TSC2: variants seen among roughly 807,000 people sequenced by gnomAD.
TSC2 encodes TSC complex subunit 2, also known as tuberin.
TSC2 carries 29 observed loss-of-function variants against 202.2 expected under a neutral mutation model. The ratio of observed to expected loss-of-function variants is 0.14; its 90% CI spans 0.11 to 0.20. TSC2 has a LOEUF of 0.20. Among genes scored for constraint, TSC2 ranks in the 10% least tolerant of loss-of-function variants. The probability of loss-of-function intolerance (pLI) is 1.00; values close to 1 mark genes in which losing one functional copy is unlikely to be tolerated. For missense variants in TSC2, 2,429 were observed against 2,420.0 expected, an observed-to-expected ratio of 1.00 and a Z score of -0.08; for synonymous variants, 1,349 against 1,044.0, an observed-to-expected ratio of 1.29 and a Z score of -5.63.
rs1326523389 is a variant in TSC2 at position 2,055,024 on chromosome 16, AGC to A, written c.482-377_482-376del. 1.9e-5 allele frequency: 7 copies of A among 366,406 alleles called. No individual in the cohort carries two copies. The Admixed American group carries it at 2.8e-4, about 15-fold the overall frequency. The allele number at this position is 366,406 out of a possible 1,614,324, so 22.7% of individuals were successfully genotyped here. On this transcript the variant is annotated intron_variant, in intron 5 of 41. Coordinates refer to ENST00000219476, the MANE Select transcript of TSC2 (RefSeq NM_000548.5). The stretch of plus-strand genomic sequence containing the variant: ...TCCTGTCTGAGGTGACGTGGCCGGC[AGC>A]CAAGTGTGCACACGTCTCCTCCGAG...
At chr16:2,062,887 G>T (rs531115622) in intron 13 of TSC2, 85 bp from the exon 14 acceptor site, 5 of 1,463,422 alleles carry the variant, frequency 3.4e-6, no homozygotes, top group South Asian at 1.2e-5. Context: ...ACCCAGAGTC[G>T]GGCTGGCCTG....
intron 11 of TSC2, chr16:2,061,289 T>A: frequency 3.5e-6 from 1 of 284,356 alleles, no homozygotes; most frequent in East Asian, 9.0e-5. Context: ...GCTGTGCCTT[T>A]TCCTGGAGCC....
chr16:2,061,214 C>T (rs948187019), intron 11 of TSC2: 19 of 325,468 alleles, frequency 5.8e-5, no homozygotes, highest in East Asian at 2.3e-4. Context: ...GAGGACTCCA[C>T]GGCCACACGG....
At position 2,086,202 on chromosome 16, in the gene TSC2, G is replaced by A. The variant is rs45517360; in HGVS notation, c.4672G>A (p.Glu1558Lys). 4 of 1,612,464 alleles carry A rather than the reference G, an allele frequency of 2.5e-6. No individual in the cohort carries two copies. The highest frequency in any genetic ancestry group is 3.4e-6 in the Non-Finnish European group (4 of 1,179,836). Reference protein sequence around the residue: ...LYVGEGQSNSELAILSNEHGS... With the variant: ...LYVGEGQSNSKLAILSNEHGS... Reference sequence around the variant, plus strand: ...TCCCCTCTCCCCACAGAGCAACAGCGAGCTCGCCATCCTGTCCAATGAGCA... The same window carrying A: ...TCCCCTCTCCCCACAGAGCAACAGCAAGCTCGCCATCCTGTCCAATGAGCA... Residue 1558 changes from glutamate (E) to lysine (K), a missense_variant, in exon 37 of 42, where the codon GAG becomes AAG. Transcript: ENST00000219476.
chr16:2,049,477 G>C (rs1052961805), intron 2 of TSC2, among the ~76,000 whole-genome samples: 4 of 152,124 alleles, frequency 2.6e-5, no homozygotes, highest in Non-Finnish European at 5.9e-5. Context: ...TTTTGCACTT[G>C]TAAAGTTTTC....
intron 1 of TSC2, 94 bp downstream of exon 1, chr16:2,048,159 C>T (rs1377290558): frequency 1.3e-6 from 2 of 1,536,610 alleles, no homozygotes; most frequent in Admixed American, 2.0e-5. Flanking sequence ...GGGCCCTCAC[C>T]CGCGCCCACT....
chr16:2,088,724 C>A lies in TSC2; in HGVS notation c.*114C>A. The A allele has an allele frequency of 7.3e-7, 1 of 1,369,684 alleles. No individual in the cohort carries two copies. The highest frequency in any genetic ancestry group is 9.9e-7 in the Non-Finnish European group (1 of 1,009,556). 84.8% of individuals were successfully genotyped at this position (1,369,684 alleles called of 1,614,324 possible). A position where few individuals can be genotyped will look rare whatever the true frequency, so the allele number is the denominator to read the frequency against. On this transcript the variant is annotated 3_prime_UTR_variant, in exon 42 of 42. Coordinates refer to ENST00000219476, the MANE Select transcript of TSC2 (RefSeq NM_000548.5). ...AGGCACAGATTGCAGTCAGACAGCT[C>A]TTTTATTGACTTTGTCTGCTTGGTG...
chr16:2,088,736 TTGTC>T lies in TSC2; in HGVS notation c.*129_*132del, dbSNP rs960266423. Reference sequence around the variant, plus strand: ...CAGTCAGACAGCTCTTTTATTGACTTTGTCTGCTTGGTGCGGGGGTTGGGGGGGT... The same window carrying T: ...CAGTCAGACAGCTCTTTTATTGACTTTGCTTGGTGCGGGGGTTGGGGGGGT... On this transcript the variant is annotated 3_prime_UTR_variant, in exon 42 of 42. Transcript: ENST00000219476. 6.0e-6 allele frequency: 8 copies of T among 1,335,008 alleles called. No individual in the cohort carries two copies. The highest frequency in any genetic ancestry group is 5.0e-5 in the East Asian group (2 of 39,648). The allele number at this position is 1,335,008 out of a possible 1,614,324, so 82.7% of individuals were successfully genotyped here.
intron 15 of TSC2, 197 bp downstream of exon 15, chr16:2,064,624 CCTGGA>C (rs2087068261): frequency 1.2e-6 from 1 of 811,184 alleles, no homozygotes; most frequent in East Asian, 2.7e-5. Flanking sequence ...GACTGAAAGT[CCTGGA>C]CATGGGTGTC....
intron 1 of TSC2, 84 bp from the exon 2 acceptor site, chr16:2,048,503 G>T: frequency 6.4e-7 from 1 of 1,552,954 alleles, no homozygotes; most frequent in East Asian, 2.3e-5. Flanking sequence ...CAGAGACCCA[G>T]GGTCCTGACG....
chr16:2,078,793 CCT>C, intron 26 of TSC2: 1 of 582,982 alleles, frequency 1.7e-6, no homozygotes, highest in South Asian at 2.0e-5. Flanking sequence ...CGGTCTCTAG[CCT>C]CCTGAGTCTG....
At chr16:2,083,586 C>T (rs768045013) in intron 32 of TSC2, 109 bp from the exon 33 acceptor site, 16 of 1,528,908 alleles carry the variant, frequency 1.0e-5, no homozygotes, top group South Asian at 6.0e-5. Context: ...TGGGGAGGCT[C>T]GCAGGGCTGC....
At chr16:2,064,454 G>A in intron 15 of TSC2, 27 bp downstream of exon 15, 6 of 1,612,100 alleles carry the variant, frequency 3.7e-6, no homozygotes, top group Non-Finnish European at 5.1e-6. Flanking sequence ...CCGGGGCCGG[G>A]TGCTAGCGTG....
Position 2,088,503 on chromosome 16 carries a change from C to G in TSC2, c.5317C>G (p.His1773Asp). Residue 1773 changes from histidine (H) to aspartate (D), a missense_variant, in exon 42 of 42, where the codon CAT becomes GAT. By Grantham distance (81) the His-to-Asp change is moderately conservative. Coordinates refer to ENST00000219476, the MANE Select transcript of TSC2 (RefSeq NM_000548.5). The stretch of plus-strand genomic sequence containing the variant: ...CCTACCTCTGGTGCACCCTCCGTCC[C>G]ATAGCAAAGCCCCTGCACAGACTCC... The part of the protein sequence containing the change: ...PSLPLVHPPS[H>D]SKAPAQTPAE... 6.2e-7 allele frequency: 1 copy of G among 1,612,898 alleles called. No homozygotes were observed. The highest frequency in any genetic ancestry group is 1.3e-5 in the African/African-American group (1 of 75,050).
At chr16:2,055,376 G>A (rs765439112) in intron 5 of TSC2, 26 bp from the exon 6 acceptor site, 9 of 1,597,476 alleles carry the variant, frequency 5.6e-6, no homozygotes, top group Middle Eastern at 3.5e-4. Context: ...CGGCGTCCTC[G>A]CAAACTGCCG....
At chr16:2,063,138 A>T in intron 14 of TSC2, 85 bp downstream of exon 14, 1 of 1,490,322 alleles carries the variant, frequency 6.7e-7, no homozygotes, top group Non-Finnish European at 9.1e-7. Flanking sequence ...GCTCCCGCAG[A>T]GCCGGGCTCT....
rs1567399451 is a variant in TSC2, at chr16:2,054,347, T to C, written c.388T>C (p.Tyr130His). The C allele has an allele frequency of 6.2e-7, 1 of 1,614,230 alleles. No homozygotes were observed. Among genetic ancestry groups the C allele is most frequent in the Non-Finnish European group, 8.5e-7 (1 of 1,180,042 alleles). The change falls in exon 5 of 42, where the codon TAC becomes CAC. Residue 130 changes from tyrosine (Y) to histidine (H), a missense_variant. Physicochemically the swap from Tyr to His is moderately conservative, Grantham distance 83 (BLOSUM62 2). Transcript: ENST00000219476. ...CCTCTTCTTTAAGGTCATCAAGGAT[T>C]ACCCTTCCAACGAAGACCTTCACGA... ...RALFFKVIKD[Y>H]PSNEDLHERL...
At chr16:2,051,217 G>T (rs2085075692) in intron 3 of TSC2, among the ~76,000 whole-genome samples, 1 of 151,956 alleles carries the variant, frequency 6.6e-6, no homozygotes, top group Admixed American at 6.5e-5. Flanking sequence ...CTACTTGGGA[G>T]GCTGAGGCAG....
In TSC2 at chr16:2,079,366, A is replaced by T. The variant is rs1223282413; in HGVS notation, c.3222A>T (p.Gly1074=). Reference sequence around the variant, plus strand: ...TTGTCACTGTGACGACAAGCGTGGGAACCGGGACCCGGTCGTTACTAGGCC... The same window carrying T: ...TTGTCACTGTGACGACAAGCGTGGGTACCGGGACCCGGTCGTTACTAGGCC... ...NKLVTVTTSV[G]TGTRSLLGLD... is the part of the protein sequence containing the mutation. Residue 1074 remains glycine (G), a synonymous_variant, in exon 28 of 42, where the codon GGA becomes GGT. Transcript: ENST00000219476. The surrounding 1 kb of genome is among the most constrained non-coding windows in gnomAD (Gnocchi z 4.6). The T allele has an allele frequency of 6.2e-7, 1 of 1,612,802 alleles. No homozygotes were observed. The highest frequency in any genetic ancestry group is 1.1e-5 in the South Asian group (1 of 91,070).
Sources: gnomAD v4.1 joint callset for allele counts (sites outside exome capture counted in the v4.1 genomes callset) on GRCh38, gnomAD v4.1.1 for gene constraint, Gnocchi (gnomAD v3.1) non-coding constraint, MANE v1.5 for transcripts, NCBI Gene and HGNC (gene_info 2026-07-23, HGNC 2026-07-21) for gene names.